Variants in DNAH8 observed in about 807,000 individuals in gnomAD.
DNAH8 encodes the protein axonemal beta dynein heavy chain 8.
Under a neutral mutation model 562.1 loss-of-function variants are expected in DNAH8, and 382 were observed. That is an observed-to-expected ratio of 0.68 (90% CI 0.63 to 0.74). The LOEUF is 0.74. DNAH8 is among the 30% of genes least tolerant of loss of function. The probability of loss-of-function intolerance (pLI) is 0.00; values close to 1 mark genes in which losing one functional copy is unlikely to be tolerated. For synonymous variants in DNAH8, 1,881 were observed against 1,919.4 expected, an observed-to-expected ratio of 0.98 and a Z score of 0.52; for missense variants, 5,203 against 5,620.4, an observed-to-expected ratio of 0.93 and a Z score of 2.37.
rs987930672 is a variant in DNAH8 at position 38,886,897 on chromosome 6, T to A, written c.8366T>A (p.Met2789Lys). 1 of 1,613,966 alleles carries A rather than the reference T, an allele frequency of 6.2e-7. No homozygotes were observed. The highest frequency in any genetic ancestry group is 8.5e-7 in the Non-Finnish European group (1 of 1,179,834). The change falls in exon 57 of 93, where the codon ATG (methionine) becomes AAG (lysine). Residue 2789 changes from methionine to lysine, a missense_variant. Transcript: ENST00000327475. ...GTTGATGTGCAGCTCATAGCAGCAATGATCCACCCTGGAGGTGGTCGAAAT... is the reference window on the plus strand; with the variant it reads ...GTTGATGTGCAGCTCATAGCAGCAAAGATCCACCCTGGAGGTGGTCGAAAT... ...TIVDVQLIAA[M>K]IHPGGGRNDI...
chr6:38,822,775 A>T (rs191399015), intron 26 of DNAH8, 63 bp from the exon 27 acceptor site: 702 of 1,189,434 alleles, frequency 5.9e-4, no homozygotes, highest in Non-Finnish European at 7.3e-4. Flanking sequence ...ACAAATATTA[A>T]AACTGATAAT....
rs1044555290 is a variant in DNAH8 at position 38,854,854 on chromosome 6, A to G, written c.5733+1507A>G. Among the ~76,000 whole-genome samples, 3 of 150,170 alleles carry G rather than the reference A, an allele frequency of 2.0e-5. No individual in the cohort carries two copies. The Admixed American group carries it at 2.0e-4, about 10-fold the overall frequency. On this transcript the variant is annotated intron_variant, in intron 41 of 92. Transcript: ENST00000327475. ...TGTATATATATATGAACATATATAC[A>G]CATATGTATAAAATACTTTGTATTT...
intron 38 of DNAH8, 57 bp from the exon 39 acceptor site, chr6:38,851,515 A>AG: frequency 9.5e-7 from 1 of 1,048,462 alleles, no homozygotes; most frequent in Non-Finnish European, 1.4e-6. Context: ...GACTAAAAAA[A>AG]TAATAATTTA....
intron 12 of DNAH8, among the ~76,000 whole-genome samples, chr6:38,774,249 T>C (rs1767852065): frequency 6.6e-6 from 1 of 152,170 alleles, no homozygotes; most frequent in African/African-American, 2.4e-5. Flanking sequence ...AGAGCTGGTA[T>C]TGCTGGGGGA....
rs1780597065 is a variant in DNAH8, at chr6:38,907,831, G to A, written c.9349-125G>A. 3 of 785,618 alleles carry A rather than the reference G, an allele frequency of 3.8e-6. No homozygotes were observed. The South Asian group carries it at 9.4e-5, about 25-fold the overall frequency. The allele number at this position is 785,618 out of a possible 1,614,324, so 48.7% of individuals were successfully genotyped here. On this transcript the variant is annotated intron_variant, in intron 63 of 92. Transcript: ENST00000327475. ...TCTGGCAAATCAGGGATTTGACTGT[G>A]GAGATGCTGAAAGAAAATATGAAAC... is the stretch of plus-strand genomic sequence containing the variant.
At chr6:38,947,996 C>T (rs1453348959) in intron 80 of DNAH8, among the ~76,000 whole-genome samples, 1 of 152,190 alleles carries the variant, frequency 6.6e-6, no homozygotes, top group Non-Finnish European at 1.5e-5. Flanking sequence ...ACTCTGCCCG[C>T]CTCTGCCTCC....
At chr6:38,883,136 T>C in intron 54 of DNAH8, 84 bp downstream of exon 54, 1 of 1,388,054 alleles carries the variant, frequency 7.2e-7, no homozygotes, top group Non-Finnish European at 9.7e-7. Context: ...TCCAGCACTT[T>C]TATAGTACAC....
rs869120118 is a variant in DNAH8, at chr6:38,715,960, A to AT, written c.-35+561dup. Among the ~76,000 whole-genome samples, 235 of 23,612 alleles carry AT rather than the reference A, an allele frequency of 1.0e-2. 27 individuals carry two copies. Among genetic ancestry groups the AT allele is most frequent in the Non-Finnish European group, 0.013 (207 of 16,040 alleles). The allele number at this position is 23,612 out of a possible 152,430, so 15.5% of individuals were successfully genotyped here. A position where few individuals can be genotyped will look rare whatever the true frequency, so the allele number is the denominator to read the frequency against. On this transcript the variant is annotated intron_variant, in intron 1 of 92. Coordinates refer to ENST00000327475, the MANE Select transcript of DNAH8 (RefSeq NM_001206927.2). ...TATATATATATATATATATATATAT[A>AT]TTTTTTTTTTTTTTTTGAGACGGAG...
rs113064695 is a variant in DNAH8 at position 38,872,818 on chromosome 6, T to C, written c.7237+36T>C. 1,533 of 1,612,152 alleles carry C rather than the reference T, an allele frequency of 9.5e-4. 12 individuals are homozygous for C. The African/African-American group carries it at 0.018, about 18-fold the overall frequency. On this transcript the variant is annotated intron_variant, in intron 50 of 92. Coordinates refer to ENST00000327475, the MANE Select transcript of DNAH8 (RefSeq NM_001206927.2). ...ACCTCCTTTGTGATCATTTTTTCCC[T>C]GCTAGCGTATTAACACAGTATTTTT...
At chr6:38,963,401 G>T (rs1252094607) in intron 82 of DNAH8, among the ~76,000 whole-genome samples, 13 of 90,826 alleles carry the variant, frequency 1.4e-4, no homozygotes, top group African/African-American at 5.5e-4. Context: ...TTTCCCTCTT[G>T]TTGCCCAGGC....
intron 76 of DNAH8, among the ~76,000 whole-genome samples, 191 bp from the exon 77 acceptor site, chr6:38,935,401 A>G (rs749818692): frequency 1.9e-4 from 29 of 152,208 alleles, no homozygotes; most frequent in South Asian, 6.2e-4. Context: ...CAGTAGGCAT[A>G]ATTTTAAAAA....
In DNAH8 at chr6:39,012,432, A is replaced by C. The variant is rs780926829; in HGVS notation, c.13525-16A>C. 6.2e-7 allele frequency: 1 copy of C among 1,610,246 alleles called. No individual in the cohort carries two copies. Among genetic ancestry groups the C allele is most frequent in the African/African-American group, 1.3e-5 (1 of 74,742 alleles). On this transcript the variant is annotated splice_polypyrimidine_tract_variant and intron_variant, in intron 90 of 92. Transcript: ENST00000327475. ...TGATGTTTCTTATTCATGTGTTTTAACTTTTTCTTCTCCAGAATCTGAGAG... is the reference window on the plus strand; with the variant it reads ...TGATGTTTCTTATTCATGTGTTTTACCTTTTTCTTCTCCAGAATCTGAGAG...
intron 58 of DNAH8, 117 bp from the exon 59 acceptor site, chr6:38,894,584 A>T: frequency 1.2e-6 from 1 of 837,968 alleles, no homozygotes; most frequent in East Asian, 2.5e-5. Flanking sequence ...CTTAATCTTG[A>T]TTTATTTACT....
chr6:38,950,532 C>G (rs920370648), intron 81 of DNAH8, among the ~76,000 whole-genome samples: 1 of 151,752 alleles, frequency 6.6e-6, no homozygotes, highest in Admixed American at 6.6e-5. Context: ...CTCCGCCTCC[C>G]GGGTTCACTC....
intron 20 of DNAH8, among the ~76,000 whole-genome samples, chr6:38,791,262 G>C (rs1485620700): frequency 2.0e-5 from 3 of 152,178 alleles, no homozygotes; most frequent in Admixed American, 2.0e-4. Context: ...CAGAGCCTTG[G>C]TGTCTTTAGT....
intron 66 of DNAH8, among the ~76,000 whole-genome samples, chr6:38,912,657 G>C (rs970100730): frequency 7.2e-5 from 11 of 152,110 alleles, no homozygotes; most frequent in African/African-American, 2.4e-4. Flanking sequence ...TGGCTTTTGA[G>C]AACACAATGT....
At chr6:38,843,163 A>G (rs563667654) in intron 35 of DNAH8, among the ~76,000 whole-genome samples, 8 of 152,224 alleles carry the variant, frequency 5.3e-5, no homozygotes, top group Non-Finnish European at 1.2e-4. Context: ...TGTCCCCAGA[A>G]TGCACTTCCA....
chr6:38,992,393 C>T (rs1303254846), intron 88 of DNAH8, among the ~76,000 whole-genome samples: 1 of 152,176 alleles, frequency 6.6e-6, no homozygotes, highest in Non-Finnish European at 1.5e-5. Flanking sequence ...ATAGCAGTGC[C>T]TGGGGCTCAG....
At chr6:38,753,520 G>A (rs1421370625) in intron 9 of DNAH8, among the ~76,000 whole-genome samples, 4 of 152,088 alleles carry the variant, frequency 2.6e-5, no homozygotes, top group African/African-American at 7.2e-5. Flanking sequence ...ATGGCACAAC[G>A]TTCACGTTTG....
Sources: gnomAD v4.1 joint callset for allele counts (sites outside exome capture counted in the v4.1 genomes callset) on GRCh38, gnomAD v4.1.1 for gene constraint, MANE v1.5 for transcripts, NCBI Gene and HGNC (gene_info 2026-07-23, HGNC 2026-07-21) for gene names.